BBX: variants seen among roughly 807,000 people sequenced by gnomAD.
The protein encoded by BBX is HMG box transcription factor BBX.
In BBX, 30 loss-of-function variants were observed where a neutral mutation model predicts 100.2. The observed-to-expected ratio is 0.30, with a 90% CI of 0.22 to 0.41. The LOEUF is 0.41. Ranked by LOEUF, BBX falls within the 10% of genes least tolerant of loss-of-function variation. The pLI is 1.00. For synonymous variants in BBX, 376 were observed against 388.1 expected (o/e 0.97, Z 0.37); for missense variants, 1,023 against 1,129.8 (o/e 0.91, Z 1.35).
intron 7 of BBX, among the ~76,000 whole-genome samples, chr3:107,739,749 G>T (rs1407447715): frequency 6.6e-6 from 1 of 152,158 alleles, no homozygotes; most frequent in Non-Finnish European, 1.5e-5. Flanking sequence ...GTGGTTGTTG[G>T]AGAGCACATT....
At chr3:107,569,634 T>G (rs1050104663) in intron 2 of BBX, among the ~76,000 whole-genome samples, 10 of 152,012 alleles carry the variant, frequency 6.6e-5, no homozygotes, top group African/African-American at 2.2e-4. Flanking sequence ...GCTGGGCAGG[T>G]GGGGATAACT....
chr3:107,589,139 C>T (rs774822040), intron 2 of BBX, among the ~76,000 whole-genome samples: 10 of 152,112 alleles, frequency 6.6e-5, no homozygotes, highest in Admixed American at 1.3e-4. Context: ...CATATTTTAA[C>T]GTGAACTTGA....
intron 3 of BBX, among the ~76,000 whole-genome samples, chr3:107,654,707 G>GT (rs1321898304): frequency 6.6e-6 from 1 of 152,024 alleles, no homozygotes; most frequent in Non-Finnish European, 1.5e-5. Flanking sequence ...TTGTTTGTTT[G>GT]TTTTTGACTG....
intron 2 of BBX, among the ~76,000 whole-genome samples, chr3:107,586,019 G>A (rs1458302859): frequency 6.6e-6 from 1 of 152,020 alleles, no homozygotes; most frequent in East Asian, 1.9e-4. Flanking sequence ...TATGTTTTCT[G>A]ATGTTCTTTC....
At position 107,739,644 on chromosome 3, in the gene BBX, G is replaced by A. The variant is rs565834577; in HGVS notation, c.670-4986G>A. The stretch of plus-strand genomic sequence containing the variant: ...TGAAGGCAAAGGTAGAGTGGAAGGT[G>A]GGCAGAAAGAGAGCTGGGCTCGAAA... On this transcript the variant is annotated intron_variant, in intron 7 of 17. Transcript: ENST00000325805. 4.6e-5 allele frequency among the ~76,000 whole-genome samples: 7 copies of A among 152,276 alleles called. No homozygotes were observed. The East Asian group carries it at 1.4e-3, about 29-fold the overall frequency.
chr3:107,570,552 G>A lies in BBX; in HGVS notation c.-84+44154G>A, dbSNP rs916130427. Among the ~76,000 whole-genome samples, 23 of 152,268 alleles carry A rather than the reference G, an allele frequency of 1.5e-4. 1 individual carries two copies. The highest frequency in any genetic ancestry group is 5.3e-4 in the African/African-American group (22 of 41,566). On this transcript the variant is annotated intron_variant, in intron 2 of 17. Transcript: ENST00000325805. ...AAAAAGGAACATTAACCCTGGCTAT[G>A]CCTTCAGCTCCAGCCACCTCTTTAA...
At chr3:107,590,763 CCT>C (rs2053247331) in intron 2 of BBX, among the ~76,000 whole-genome samples, 2 of 152,186 alleles carry the variant, frequency 1.3e-5, no homozygotes, top group South Asian at 4.1e-4. Flanking sequence ...GCTGCTTGTT[CCT>C]CTCTCTTACA....
chr3:107,659,831 GAAATGCA>G, intron 3 of BBX: 3 of 1,022,710 alleles, frequency 2.9e-6, no homozygotes, highest in Non-Finnish European at 4.0e-6. Flanking sequence ...TGCTGTTCTA[GAAATGCA>G]TCAGTTCCTA....
At chr3:107,707,359 A>G (rs1025286689) in intron 3 of BBX, among the ~76,000 whole-genome samples, 2 of 152,204 alleles carry the variant, frequency 1.3e-5, no homozygotes, top group African/African-American at 4.8e-5. Context: ...AAGAAATTGT[A>G]GTTAATCTTG....
Position 107,753,596 on chromosome 3 carries a change from G to A in BBX, c.826-2002G>A, listed in dbSNP as rs573682404. ...TAAAGGCAGGTAGTGCATCCATGCA[G>A]TCAGTCATTCATGAGCCTCTCAGTG... On this transcript the variant is annotated intron_variant, in intron 9 of 17. Coordinates refer to ENST00000325805, the MANE Select transcript of BBX (RefSeq NM_001142568.3). Among the ~76,000 whole-genome samples, 140 of 152,322 alleles carry A rather than the reference G, an allele frequency of 9.2e-4. 1 individual carries two copies. The highest frequency in any genetic ancestry group is 2.4e-3 in the Admixed American group (37 of 15,308).
intron 13 of BBX, among the ~76,000 whole-genome samples, chr3:107,781,097 A>G (rs2067834684): frequency 6.6e-6 from 1 of 152,022 alleles, no homozygotes; most frequent in African/African-American, 2.4e-5. Flanking sequence ...GAATTTTTCT[A>G]AAGTGTAATT....
rs10933911 is a variant in BBX, at chr3:107,721,746, A to G, written c.405+4897A>G. Among the ~76,000 whole-genome samples, 7 of 152,190 alleles carry G rather than the reference A, an allele frequency of 4.6e-5. No individual in the cohort carries two copies. The East Asian group carries it at 9.6e-4, about 21-fold the overall frequency. ...TAAACTCATTTTATTAAGTTAAATT[A>G]TTAAATTCTAACTCATTTAACCTCC... On this transcript the variant is annotated intron_variant, in intron 5 of 17. Transcript: ENST00000325805.
chr3:107,530,536 A>G (rs1013779926), intron 2 of BBX, among the ~76,000 whole-genome samples: 21 of 152,232 alleles, frequency 1.4e-4, no homozygotes, highest in African/African-American at 4.3e-4. Flanking sequence ...TGGTCCTCGG[A>G]TGAAAAGTTC....
chr3:107,555,137 G>A (rs1179887188), intron 2 of BBX, among the ~76,000 whole-genome samples: 1 of 152,128 alleles, frequency 6.6e-6, no homozygotes, highest in Non-Finnish European at 1.5e-5. Context: ...TCATAGTATT[G>A]ATATTTGTTT....
At chr3:107,712,718 A>G (rs1207923552) in intron 4 of BBX, among the ~76,000 whole-genome samples, 1 of 152,074 alleles carries the variant, frequency 6.6e-6, no homozygotes, top group Non-Finnish European at 1.5e-5. Flanking sequence ...TTCTCAACAA[A>G]GCAGCCAGAG....
At chr3:107,803,386 C>T (rs984038122) in intron 17 of BBX, among the ~76,000 whole-genome samples, 2 of 152,104 alleles carry the variant, frequency 1.3e-5, no homozygotes, top group Non-Finnish European at 2.9e-5. Context: ...CCTGTAGGCT[C>T]ACTGTTATTG....
chr3:107,698,289 T>C (rs1433394435), intron 3 of BBX, among the ~76,000 whole-genome samples: 1 of 151,720 alleles, frequency 6.6e-6, no homozygotes, highest in African/African-American at 2.4e-5. Context: ...TTTTAAACTT[T>C]TACCATTTTA....
intron 7 of BBX, among the ~76,000 whole-genome samples, chr3:107,737,668 T>C (rs900903673): frequency 1.3e-5 from 2 of 152,148 alleles, no homozygotes; most frequent in Admixed American, 6.5e-5. Context: ...AGCCTGAAGC[T>C]GATATTGTCT....
chr3:107,616,076 C>T (rs1393263579), intron 2 of BBX, among the ~76,000 whole-genome samples: 1 of 69,038 alleles, frequency 1.4e-5, no homozygotes, highest in African/African-American at 6.0e-5. Context: ...TTTTTTTTAA[C>T]TAAACTTTTT....
Sources: allele counts gnomAD v4.1 joint callset (sites outside exome capture counted in the v4.1 genomes callset), GRCh38; gene constraint gnomAD v4.1.1; transcripts MANE v1.5; gene names NCBI Gene and HGNC (gene_info 2026-07-23, HGNC 2026-07-21).